The following FGFR2 variants were observed in gnomAD, a reference collection of about 807,000 sequenced individuals.
FGFR2 encodes fibroblast growth factor receptor 2.
A neutral mutation model predicts 95.9 loss-of-function variants in FGFR2; 19 were observed. That is an observed-to-expected ratio of 0.20 (90% confidence interval 0.14 to 0.29). The LOEUF (loss-of-function observed/expected upper bound fraction) is 0.29, where lower values mean the gene tolerates loss of function less well. Ranked by LOEUF, FGFR2 falls within the 10% of genes least tolerant of loss-of-function variation. The probability of loss-of-function intolerance (pLI) is 1.00; values close to 1 mark genes in which losing one functional copy is unlikely to be tolerated. For synonymous variants in FGFR2, 392 were observed against 393.3 expected (o/e 1.00, Z 0.04); for missense variants, 707 against 1,056.9 (o/e 0.67, Z 4.59).
chr10:121,524,142 A>ACCCC lies in FGFR2; in HGVS notation c.749-3974_749-3973insGGGG, dbSNP rs904480348. 5.0e-4 allele frequency among the ~76,000 whole-genome samples: 63 copies of ACCCC among 125,966 alleles called. 1 individual carries two copies. The highest frequency in any genetic ancestry group is 1.3e-3 in the African/African-American group (48 of 35,874). 82.6% of individuals were successfully genotyped at this position (125,966 alleles called of 152,430 possible). ...CACACACACACACACACACACACAC[A>ACCCC]CACACCCCAAGTTTGCAATGGTTTA... On this transcript the variant is annotated intron_variant, in intron 6 of 17. Transcript: ENST00000358487.
intron 6 of FGFR2, among the ~76,000 whole-genome samples, chr10:121,522,716 T>C (rs1850733237): frequency 6.6e-6 from 1 of 152,144 alleles, no homozygotes; most frequent in Admixed American, 6.5e-5. Context: ...CACAGATCTG[T>C]CAAAAGCCAC....
At chr10:121,592,228 T>C (rs1336328931) in intron 2 of FGFR2, among the ~76,000 whole-genome samples, 2 of 152,186 alleles carry the variant, frequency 1.3e-5, no homozygotes, top group Non-Finnish European at 2.9e-5. Flanking sequence ...ATTAAAGACG[T>C]ACAGGCATGA....
chr10:121,570,127 C>T (rs1257890364), intron 2 of FGFR2, among the ~76,000 whole-genome samples: 1 of 146,462 alleles, frequency 6.8e-6, no homozygotes, highest in African/African-American at 2.4e-5. Flanking sequence ...AAGACAACCC[C>T]GGCCAGGGGG....
intron 10 of FGFR2, among the ~76,000 whole-genome samples, chr10:121,502,012 C>T (rs1383258021): frequency 6.6e-6 from 1 of 152,208 alleles, no homozygotes; most frequent in East Asian, 1.9e-4. Context: ...TTGCGCTAAA[C>T]ACTGTTTTGA....
chr10:121,562,474 A>G (rs750282066), intron 4 of FGFR2, among the ~76,000 whole-genome samples: 1 of 152,150 alleles, frequency 6.6e-6, no homozygotes, highest in East Asian at 1.9e-4. Flanking sequence ...TAGCAGAGAC[A>G]GGGATTTTGC....
intron 2 of FGFR2, among the ~76,000 whole-genome samples, chr10:121,583,999 A>T (rs961308144): frequency 1.3e-5 from 2 of 152,022 alleles, no homozygotes; most frequent in African/African-American, 4.8e-5. Flanking sequence ...CATGACAGGC[A>T]CTCAATAAAT....
At chr10:121,481,638 T>G (rs1844700414) in intron 17 of FGFR2, among the ~76,000 whole-genome samples, 1 of 152,172 alleles carries the variant, frequency 6.6e-6, no homozygotes, top group Non-Finnish European at 1.5e-5. Context: ...GTAATGATTT[T>G]CAGAAGGAAA....
At chr10:121,494,791 C>T (rs1846562061) in intron 13 of FGFR2, among the ~76,000 whole-genome samples, 3 of 152,160 alleles carry the variant, frequency 2.0e-5, no homozygotes, top group Non-Finnish European at 4.4e-5. Context: ...ACTGATACTT[C>T]ACAAATCTCA....
chr10:121,557,896 C>T (rs1004451340), intron 4 of FGFR2, among the ~76,000 whole-genome samples: 3 of 152,126 alleles, frequency 2.0e-5, no homozygotes, highest in African/African-American at 7.2e-5. Context: ...AAAAAATAGC[C>T]TTTCTCCCTG....
At chr10:121,490,090 TA>T (rs2133862665) in intron 13 of FGFR2, among the ~76,000 whole-genome samples, 1 of 151,978 alleles carries the variant, frequency 6.6e-6, no homozygotes, top group Non-Finnish European at 1.5e-5. Flanking sequence ...GCAGAACAGC[TA>T]ATTTATTGTC....
At chr10:121,578,760 A>G (rs1254272967) in intron 2 of FGFR2, among the ~76,000 whole-genome samples, 1 of 152,158 alleles carries the variant, frequency 6.6e-6, no homozygotes, top group Admixed American at 6.5e-5. Context: ...AAATGCAAAA[A>G]TTAGCCAGGT....
chr10:121,538,503 G>C (rs2134595849), intron 6 of FGFR2, 89 bp downstream of exon 6: 1 of 1,548,428 alleles, frequency 6.5e-7, no homozygotes, highest in Non-Finnish European at 8.9e-7. Context: ...AAACTTATGG[G>C]AGAAACAGGA....
intron 6 of FGFR2, among the ~76,000 whole-genome samples, chr10:121,524,603 A>G (rs1245750484): frequency 6.6e-6 from 1 of 151,912 alleles, no homozygotes; most frequent in Non-Finnish European, 1.5e-5. Flanking sequence ...GCGATCCACC[A>G]CCCCTCGGAA....
At chr10:121,533,959 C>T (rs1200580312) in intron 6 of FGFR2, among the ~76,000 whole-genome samples, 1 of 152,176 alleles carries the variant, frequency 6.6e-6, no homozygotes, top group Non-Finnish European at 1.5e-5. Context: ...TCAAACTCCA[C>T]ACCCCTCTCC....
intron 4 of FGFR2, among the ~76,000 whole-genome samples, chr10:121,561,099 G>A (rs1856893404): frequency 6.6e-6 from 1 of 152,084 alleles, no homozygotes; most frequent in African/African-American, 2.4e-5. Context: ...ATTTATCCGA[G>A]GCACCTACCA....
intron 9 of FGFR2, among the ~76,000 whole-genome samples, chr10:121,513,814 A>C (rs1013755759): frequency 6.6e-6 from 1 of 152,160 alleles, no homozygotes; most frequent in Non-Finnish European, 1.5e-5. Context: ...CGTCTCCACA[A>C]AGAAAGACCT....
intron 12 of FGFR2, among the ~76,000 whole-genome samples, chr10:121,497,130 CAAAA>C (rs35537265): frequency 4.4e-5 from 4 of 91,452 alleles, no homozygotes; most frequent in Admixed American, 2.2e-4. Flanking sequence ...GACTTTGTCT[CAAAA>C]AAAAAAAAAA....
rs1222282849 is a variant in FGFR2 at position 121,517,350 on chromosome 10, G to C, written c.1053C>G (p.Ser351=). 3 of 1,614,190 alleles carry C rather than the reference G, an allele frequency of 1.9e-6. No individual in the cohort carries two copies. The highest frequency in any genetic ancestry group is 2.5e-6 in the Non-Finnish European group (3 of 1,180,044). The change falls in exon 8 of 18, where the codon TCC becomes TCG. Residue 351 remains serine (S), a synonymous_variant. Transcript: ENST00000358487. The surrounding 1 kb of genome is among the most constrained non-coding windows in gnomAD (Gnocchi z 4.7). ...TCLAGNSIGI[S]FHSAWLTVLP... The stretch of plus-strand genomic sequence containing the variant: ...GAACTGTCAACCATGCAGAGTGAAA[G>C]GATATCCCAATAGAATTACCCGCCA...
intron 4 of FGFR2, among the ~76,000 whole-genome samples, chr10:121,559,956 G>A (rs752893118): frequency 7.9e-5 from 12 of 152,164 alleles, no homozygotes; most frequent in Admixed American, 3.9e-4. Context: ...GCAGGTAGCC[G>A]ACAACCAGGA....
Sources: gnomAD v4.1 joint callset for allele counts (sites outside exome capture counted in the v4.1 genomes callset) on GRCh38, gnomAD v4.1.1 for gene constraint, Gnocchi (gnomAD v3.1) non-coding constraint, MANE v1.5 for transcripts, NCBI Gene and HGNC (gene_info 2026-07-23, HGNC 2026-07-21) for gene names.